The following GALNT14 variants were observed in gnomAD, a reference collection of about 807,000 sequenced individuals.
The protein encoded by GALNT14 is polypeptide N-acetylgalactosaminyltransferase 14.
GALNT14 carries 60 observed loss-of-function variants against 77.5 expected under a neutral mutation model. The ratio of observed to expected loss-of-function variants is 0.77; its 90% CI spans 0.63 to 0.96. The LOEUF (loss-of-function observed/expected upper bound fraction) is 0.96, where lower values mean the gene tolerates loss of function less well. Among genes scored for constraint, GALNT14 ranks in the 40% least tolerant of loss-of-function variants. The pLI is 0.00. For synonymous variants in GALNT14, 280 were observed against 281.7 expected (o/e 0.99, Z 0.06); for missense variants, 710 against 731.0 (o/e 0.97, Z 0.33).
intron 1 of GALNT14, among the ~76,000 whole-genome samples, chr2:31,071,567 G>A (rs1558546203): frequency 6.6e-6 from 1 of 152,066 alleles, no homozygotes. Flanking sequence ...AGTGGTGGAG[G>A]CACTGTGAGT....
At chr2:30,987,785 G>A (rs1008223910) in intron 2 of GALNT14, among the ~76,000 whole-genome samples, 43 of 135,248 alleles carry the variant, frequency 3.2e-4, no homozygotes, top group Middle Eastern at 7.8e-3. Context: ...AGATTCCTGA[G>A]CTGCTCACCC....
chr2:31,125,654 T>C (rs1313872384), intron 1 of GALNT14, among the ~76,000 whole-genome samples: 1 of 152,244 alleles, frequency 6.6e-6, no homozygotes, highest in African/African-American at 2.4e-5. Flanking sequence ...GTGCAGCTTA[T>C]TTATGGTTAA....
At chr2:31,123,810 G>A (rs1678544512) in intron 1 of GALNT14, among the ~76,000 whole-genome samples, 2 of 152,104 alleles carry the variant, frequency 1.3e-5, no homozygotes, top group Admixed American at 6.5e-5. Context: ...ATGTACCCCG[G>A]CAAAGATTCT....
At chr2:30,993,057 T>C in intron 1 of GALNT14, 50 bp from the exon 2 acceptor site, 1 of 1,589,938 alleles carries the variant, frequency 6.3e-7, no homozygotes, top group African/African-American at 1.3e-5. Context: ...TGTCCTCCAC[T>C]AGCCCCCGTC....
chr2:31,137,509 C>CCCGGCCT lies in GALNT14; in HGVS notation c.129+442_129+448dup, dbSNP rs1317066033. ...GCAACGCACAGGCGCGCGCGGCGCA[C>CCCGGCCT]CCGGCCTCCGGCCTCCCCAGGTCGG... On this transcript the variant is annotated intron_variant, in intron 1 of 14. Transcript: ENST00000349752. Among the ~76,000 whole-genome samples the CCCGGCCT allele has an allele frequency of 2.2e-4, 33 of 152,246 alleles. No homozygotes were observed. In the East Asian group the frequency reaches 6.2e-3, roughly 29 times the overall value.
chr2:31,050,783 T>C (rs1212831049), intron 1 of GALNT14, among the ~76,000 whole-genome samples: 1 of 151,774 alleles, frequency 6.6e-6, no homozygotes, highest in African/African-American at 2.4e-5. Context: ...TGTTTTTTTT[T>C]TTTTTTCAAA....
chr2:31,027,226 G>C (rs986209097), intron 1 of GALNT14, among the ~76,000 whole-genome samples: 2 of 152,176 alleles, frequency 1.3e-5, no homozygotes, highest in Admixed American at 6.5e-5. Context: ...GAGGTCAGGA[G>C]TTTGTGACTA....
chr2:31,084,646 CA>C (rs1469810279), intron 1 of GALNT14, among the ~76,000 whole-genome samples: 3 of 152,292 alleles, frequency 2.0e-5, no homozygotes, highest in East Asian at 3.9e-4. Flanking sequence ...GGTAGCTGAG[CA>C]GCCTAATGCA....
At chr2:31,106,465 A>C (rs1677567070) in intron 1 of GALNT14, among the ~76,000 whole-genome samples, 1 of 152,028 alleles carries the variant, frequency 6.6e-6, no homozygotes, top group African/African-American at 2.4e-5. Context: ...CATTTTCCAC[A>C]GTGTCTATTT....
At chr2:30,913,893 G>A (rs887320963) in intron 13 of GALNT14, among the ~76,000 whole-genome samples, 1 of 152,156 alleles carries the variant, frequency 6.6e-6, no homozygotes, top group Non-Finnish European at 1.5e-5. Flanking sequence ...ATAGATATTT[G>A]AAATTTTCTA....
the GALNT14 span, among the ~76,000 whole-genome samples, chr2:30,905,086 G>A: frequency 6.6e-6 from 1 of 152,136 alleles, no homozygotes; most frequent in Non-Finnish European, 1.5e-5. Context: ...AAGACCAAAA[G>A]TAAATAAAAC....
At chr2:31,012,187 G>T (rs13010939) in intron 1 of GALNT14, among the ~76,000 whole-genome samples, 1 of 151,770 alleles carries the variant, frequency 6.6e-6, no homozygotes, top group Non-Finnish European at 1.5e-5. Context: ...TCTAAGACAC[G>T]GTTGGATCCC....
At chr2:30,992,254 C>A (rs548798693) in intron 2 of GALNT14, among the ~76,000 whole-genome samples, 1 of 152,196 alleles carries the variant, frequency 6.6e-6, no homozygotes, top group Non-Finnish European at 1.5e-5. Context: ...CAGGCCTGAT[C>A]TCTGCAACCC....
chr2:31,091,944 T>G (rs1370258695), intron 1 of GALNT14, among the ~76,000 whole-genome samples: 1 of 152,140 alleles, frequency 6.6e-6, no homozygotes, highest in African/African-American at 2.4e-5. Context: ...CCAGTGCGGC[T>G]AGAATAAACC....
intron 1 of GALNT14, among the ~76,000 whole-genome samples, chr2:31,060,132 A>T (rs903017606): frequency 6.6e-6 from 1 of 152,230 alleles, no homozygotes; most frequent in Non-Finnish European, 1.5e-5. Flanking sequence ...CAAAGGCAGG[A>T]AGGTTGCATA....
chr2:30,972,170 G>A (rs1490863117), intron 2 of GALNT14, among the ~76,000 whole-genome samples: 3 of 152,172 alleles, frequency 2.0e-5, no homozygotes, highest in South Asian at 2.1e-4. Context: ...AGAGGAGAGC[G>A]TAATTATTAT....
intron 6 of GALNT14, 149 bp downstream of exon 6, chr2:30,955,469 A>G: frequency 9.6e-7 from 1 of 1,041,828 alleles, no homozygotes; most frequent in Non-Finnish European, 1.4e-6. Context: ...GCTCTACCTT[A>G]GTTCCTTCAT....
At chr2:30,977,392 TTCTC>T (rs1668700310) in intron 2 of GALNT14, among the ~76,000 whole-genome samples, 1 of 152,152 alleles carries the variant, frequency 6.6e-6, no homozygotes, top group Non-Finnish European at 1.5e-5. Flanking sequence ...TACCCAGCCC[TTCTC>T]TCTGTCTTTT....
At position 30,932,111 on chromosome 2, in the gene GALNT14, G is replaced by A. The variant is rs1475489105; in HGVS notation, c.1015C>T (p.His339Tyr). Residue 339 changes from histidine to tyrosine, a missense_variant, in exon 10 of 15, where the codon CAC (histidine) becomes TAC (tyrosine). Transcript: ENST00000349752. ...TTTCCATCAGGGAAAACGTAGGGGTGCTTCTTCCGGAAGACGTGCCCCACT... is the reference window on the plus strand; with the variant it reads ...TTTCCATCAGGGAAAACGTAGGGGTACTTCTTCCGGAAGACGTGCCCCACT... Reference protein sequence around the residue: ...SRVGHVFRKKHPYVFPDGNAN... With the variant: ...SRVGHVFRKKYPYVFPDGNAN... The A allele has an allele frequency of 1.9e-6, 3 of 1,577,142 alleles. No homozygotes were observed. The East Asian group carries it at 7.2e-5, about 38-fold the overall frequency.
Sources: allele counts gnomAD v4.1 joint callset (sites outside exome capture counted in the v4.1 genomes callset), GRCh38; gene constraint gnomAD v4.1.1; transcripts MANE v1.5; gene names NCBI Gene and HGNC (gene_info 2026-07-23, HGNC 2026-07-21).